Variants in RBFOX1 observed in about 807,000 individuals in gnomAD.
RBFOX1 encodes the protein RNA binding fox-1 homolog 1.
In RBFOX1, 8 loss-of-function variants were observed where a neutral mutation model predicts 57.7. The ratio of observed to expected loss-of-function variants is 0.14; its 90% CI spans 0.08 to 0.25. The LOEUF (loss-of-function observed/expected upper bound fraction) is 0.25, where lower values mean the gene tolerates loss of function less well. Ranked by LOEUF, RBFOX1 falls within the 10% of genes least tolerant of loss-of-function variation. The pLI is 1.00. For synonymous variants in RBFOX1, 326 were observed against 222.4 expected, an observed-to-expected ratio of 1.47 and a Z score of -4.15; for missense variants, 611 against 548.5, an observed-to-expected ratio of 1.11 and a Z score of -1.14.
At chr16:6,519,625 C>T (rs778045389) in intron 2 of RBFOX1, among the ~76,000 whole-genome samples, 31 of 152,060 alleles carry the variant, frequency 2.0e-4, no homozygotes, top group African/African-American at 3.4e-4. Context: ...TGCTTGAACC[C>T]GGGAGGTGGA....
intron 3 of RBFOX1, among the ~76,000 whole-genome samples, chr16:5,860,930 G>C (rs1241596455): frequency 2.6e-5 from 4 of 152,180 alleles, no homozygotes; most frequent in African/African-American, 9.7e-5. Flanking sequence ...GAGAGAGAAA[G>C]CTTCATTCTC....
chr16:6,476,346 A>T (rs138020822), intron 2 of RBFOX1, among the ~76,000 whole-genome samples: 109 of 152,308 alleles, frequency 7.2e-4, no homozygotes, highest in African/African-American at 2.5e-3. Flanking sequence ...AGCAAGACCT[A>T]TAGATGTACA....
intron 1 of RBFOX1, among the ~76,000 whole-genome samples, chr16:6,161,388 TAAAAA>T (rs57538647): frequency 7.6e-6 from 1 of 131,880 alleles, no homozygotes; most frequent in Non-Finnish European, 1.7e-5. Context: ...GACTCTGTCT[TAAAAA>T]AAAAAAAAAA....
At chr16:6,528,299 C>G (rs1273651315) in intron 2 of RBFOX1, among the ~76,000 whole-genome samples, 1 of 152,200 alleles carries the variant, frequency 6.6e-6, no homozygotes, top group East Asian at 1.9e-4. Flanking sequence ...TAGACTTCCA[C>G]TTCCCAAACT....
intron 3 of RBFOX1, among the ~76,000 whole-genome samples, chr16:5,695,952 C>T (rs565527318): frequency 9.9e-5 from 15 of 151,896 alleles, no homozygotes; most frequent in Admixed American, 6.6e-5. Context: ...AGAATTTGCC[C>T]CTAAATCCAA....
chr16:7,694,963 G>C (rs1381478953), intron 14 of RBFOX1, among the ~76,000 whole-genome samples: 2 of 152,146 alleles, frequency 1.3e-5, no homozygotes, highest in African/African-American at 4.8e-5. Context: ...ACATGAAAAA[G>C]ATATTGATTT....
chr16:7,454,897 T>G (rs1490577794), intron 4 of RBFOX1, among the ~76,000 whole-genome samples: 2 of 152,240 alleles, frequency 1.3e-5, no homozygotes, highest in African/African-American at 4.8e-5. Flanking sequence ...TATCACAGTT[T>G]GCTCCTCACA....
At chr16:7,682,139 T>G in intron 14 of RBFOX1, among the ~76,000 whole-genome samples, 1 of 152,156 alleles carries the variant, frequency 6.6e-6, no homozygotes. Flanking sequence ...TTTATAAAAT[T>G]AGAACAATAG....
rs141322019 is a variant in RBFOX1, at chr16:6,121,032, A to G, written c.-127+101040A>G. ...AATGCATTTTGTAATTTTACATTCT[A>G]CTTTATGATTTATTCATGTGTGTCC... On this transcript the variant is annotated intron_variant, in intron 1 of 15. Transcript: ENST00000550418. Among the ~76,000 whole-genome samples, 54 of 152,326 alleles carry G rather than the reference A, an allele frequency of 3.5e-4. No individual in the cohort carries two copies. In the East Asian group the frequency reaches 8.9e-3, roughly 25 times the overall value.
chr16:6,977,090 TTA>T lies in RBFOX1; in HGVS notation c.-15-74957_-15-74956del, dbSNP rs201111834. 1.1e-3 allele frequency among the ~76,000 whole-genome samples: 156 copies of T among 140,352 alleles called. 1 individual carries two copies. The highest frequency in any genetic ancestry group is 2.9e-3 in the South Asian group (13 of 4,426). The allele number at this position is 140,352 out of a possible 152,430, so 92.1% of individuals were successfully genotyped here. ...TACTTTATCATATATGATCTATATT[TTA>T]TATATATATCATATATATGATCTAT... On this transcript the variant is annotated intron_variant, in intron 3 of 15. Transcript: ENST00000550418.
At chr16:5,814,663 T>C (rs2055558345) in intron 3 of RBFOX1, among the ~76,000 whole-genome samples, 1 of 152,070 alleles carries the variant, frequency 6.6e-6, no homozygotes, top group African/African-American at 2.4e-5. Context: ...GCGCGGTGGC[T>C]CACGCCTGTA....
chr16:6,048,674 C>T (rs1168394097), intron 1 of RBFOX1, among the ~76,000 whole-genome samples: 1 of 152,102 alleles, frequency 6.6e-6, no homozygotes, highest in African/African-American at 2.4e-5. Flanking sequence ...CCTTCAGTGG[C>T]CCTTATCATT....
At chr16:5,406,257 T>C (rs868603873) in intron 1 of RBFOX1, among the ~76,000 whole-genome samples, 3 of 152,136 alleles carry the variant, frequency 2.0e-5, no homozygotes, top group Admixed American at 1.3e-4. Flanking sequence ...AGCGTTTGAA[T>C]TGGTGGATGA....
chr16:6,172,491 T>G (rs1205062421), intron 1 of RBFOX1, among the ~76,000 whole-genome samples: 1 of 152,160 alleles, frequency 6.6e-6, no homozygotes. Flanking sequence ...ATTGCCCCTG[T>G]GGCCCCCTGT....
chr16:7,063,055 A>G (rs893699100), intron 4 of RBFOX1, among the ~76,000 whole-genome samples: 2 of 151,610 alleles, frequency 1.3e-5, no homozygotes, highest in Admixed American at 6.6e-5. Context: ...CTAAAAGCCA[A>G]CTCTTCATCA....
intron 4 of RBFOX1, among the ~76,000 whole-genome samples, chr16:5,966,327 G>C (rs2059842705): frequency 6.6e-6 from 1 of 152,224 alleles, no homozygotes; most frequent in South Asian, 2.1e-4. Flanking sequence ...GTTCGGGAAG[G>C]GCAGTGGCAT....
At chr16:5,779,559 A>G (rs1418173454) in intron 3 of RBFOX1, among the ~76,000 whole-genome samples, 2 of 152,174 alleles carry the variant, frequency 1.3e-5, no homozygotes, top group African/African-American at 2.4e-5. Flanking sequence ...AAGTATCCCT[A>G]TACCTTTGTG....
intron 3 of RBFOX1, among the ~76,000 whole-genome samples, chr16:6,762,740 A>G (rs2076793016): frequency 6.6e-6 from 1 of 152,038 alleles, no homozygotes; most frequent in African/African-American, 2.4e-5. Context: ...GAAAAATAGT[A>G]AGGTAAAGAG....
intron 2 of RBFOX1, among the ~76,000 whole-genome samples, chr16:6,388,501 C>G (rs1431514836): frequency 1.3e-5 from 2 of 151,726 alleles, no homozygotes; most frequent in Non-Finnish European, 2.9e-5. Context: ...ATTAATTTGT[C>G]TTTTAGTTGA....
Sources: allele counts gnomAD v4.1 joint callset (sites outside exome capture counted in the v4.1 genomes callset), GRCh38; gene constraint gnomAD v4.1.1; transcripts MANE v1.5; gene names NCBI Gene and HGNC (gene_info 2026-07-23, HGNC 2026-07-21).